SVIL: variants seen among roughly 807,000 people sequenced by gnomAD.
SVIL encodes archvillin.
SVIL carries 101 observed loss-of-function variants against 240.4 expected under a neutral mutation model. That is an observed-to-expected ratio of 0.42 (90% CI 0.36 to 0.50). The LOEUF (loss-of-function observed/expected upper bound fraction) is 0.50. SVIL is among the 20% of genes least tolerant of loss of function. SVIL has a pLI of 0.01. For missense variants in SVIL, 2,512 were observed against 2,818.7 expected, an observed-to-expected ratio of 0.89 and a Z score of 2.46; for synonymous variants, 999 against 1,100.0, an observed-to-expected ratio of 0.91 and a Z score of 1.82.
At chr10:29,533,689 G>A (rs542823520) in intron 7 of SVIL, among the ~76,000 whole-genome samples, 1 of 152,126 alleles carries the variant, frequency 6.6e-6, no homozygotes, top group Non-Finnish European at 1.5e-5. Flanking sequence ...CCCTGTAAAA[G>A]CTGGCAGGGG....
intron 15 of SVIL, 77 bp from the exon 16 acceptor site, chr10:29,522,712 A>G: frequency 1.3e-6 from 2 of 1,490,500 alleles, no homozygotes; most frequent in Non-Finnish European, 1.8e-6. Flanking sequence ...TCAACAGTGC[A>G]GCTCTCAGGG....
At chr10:29,727,016 C>T (rs1165428617) in intron 1 of SVIL, among the ~76,000 whole-genome samples, 1 of 152,204 alleles carries the variant, frequency 6.6e-6, no homozygotes, top group Non-Finnish European at 1.5e-5. Flanking sequence ...TGGGTACACA[C>T]ATCCACGTGC....
At chr10:29,670,417 C>T (rs541041027) in intron 2 of SVIL, among the ~76,000 whole-genome samples, 39 of 152,294 alleles carry the variant, frequency 2.6e-4, no homozygotes, top group African/African-American at 9.4e-4. Context: ...TTATTTAACC[C>T]TTGCTAAAAC....
rs147916001 is a variant in SVIL at position 29,460,971 on chromosome 10, C to T, written c.6402+1306G>A. Among the ~76,000 whole-genome samples, 689 of 152,264 alleles carry T rather than the reference C, an allele frequency of 4.5e-3. 5 individuals carry two copies. The highest frequency in any genetic ancestry group is 0.025 in the South Asian group (120 of 4,824). The stretch of plus-strand genomic sequence containing the variant: ...CCACCATGATGCCTAACCAACCCCC[C>T]GCTTCCTGTTGACCAGCTCCTCTTC... On this transcript the variant is annotated intron_variant, in intron 36 of 37. Transcript: ENST00000355867.
intron 29 of SVIL, among the ~76,000 whole-genome samples, chr10:29,475,788 G>A (rs1035504196): frequency 4.6e-5 from 7 of 152,210 alleles, no homozygotes; most frequent in African/African-American, 9.6e-5. Context: ...GGTTTAAAAG[G>A]AATGAGAATA....
intron 1 of SVIL, among the ~76,000 whole-genome samples, chr10:29,574,666 C>T (rs1438813417): frequency 1.3e-5 from 2 of 152,134 alleles, no homozygotes; most frequent in Non-Finnish European, 2.9e-5. Context: ...CTCTGACTCT[C>T]CCCAGGACAA....
At chr10:29,653,346 T>C (rs1375556336) in intron 3 of SVIL, among the ~76,000 whole-genome samples, 1 of 152,142 alleles carries the variant, frequency 6.6e-6, no homozygotes, top group Non-Finnish European at 1.5e-5. Flanking sequence ...GCAGGCTGTG[T>C]CTGCTTCCCA....
At chr10:29,500,674 C>T (rs537800466) in intron 17 of SVIL, among the ~76,000 whole-genome samples, 2 of 152,318 alleles carry the variant, frequency 1.3e-5, no homozygotes, top group South Asian at 4.1e-4. Flanking sequence ...AGGTCCCCCA[C>T]CTTTTCTGCC....
Position 29,523,364 on chromosome 10 carries a change from G to A in SVIL, c.3163+87C>T, listed in dbSNP as rs956672601. ...AGCTGTAAACTGCCTATAGAACTTT[G>A]TTAAAAGCCATCATAGACACAGGAC... On this transcript the variant is annotated intron_variant, in intron 15 of 37. Coordinates refer to ENST00000355867, the MANE Select transcript of SVIL (RefSeq NM_021738.3). The A allele has an allele frequency of 3.1e-6, 4 of 1,292,862 alleles. No homozygotes were observed. In the Admixed American group the frequency reaches 7.3e-5, roughly 24 times the overall value. 80.1% of individuals were successfully genotyped at this position (1,292,862 alleles called of 1,614,324 possible).
chr10:29,696,069 A>C (rs1045528105), intron 1 of SVIL, among the ~76,000 whole-genome samples: 4 of 151,396 alleles, frequency 2.6e-5, no homozygotes, highest in African/African-American at 7.3e-5. Flanking sequence ...CTCCTGCCTC[A>C]GCCTGCCGAG....
chr10:29,627,019 A>G (rs573681031), intron 1 of SVIL, among the ~76,000 whole-genome samples: 2 of 151,820 alleles, frequency 1.3e-5, no homozygotes, highest in East Asian at 1.9e-4. Flanking sequence ...GCGAGACTCC[A>G]TCTCAAAAAA....
intron 1 of SVIL, among the ~76,000 whole-genome samples, chr10:29,633,855 C>T (rs1958207118): frequency 6.6e-6 from 1 of 152,024 alleles, no homozygotes; most frequent in South Asian, 2.1e-4. Context: ...AACTCTAGAA[C>T]CTACAGTGAG....
intron 3 of SVIL, among the ~76,000 whole-genome samples, chr10:29,652,586 G>T (rs1296910669): frequency 6.6e-6 from 1 of 152,146 alleles, no homozygotes; most frequent in Non-Finnish European, 1.5e-5. Context: ...TTGGGGATAT[G>T]CCTAGGAGTG....
At chr10:29,500,878 AG>A (rs1948836326) in intron 17 of SVIL, among the ~76,000 whole-genome samples, 1 of 152,048 alleles carries the variant, frequency 6.6e-6, no homozygotes. Flanking sequence ...TTCCTGATTC[AG>A]GAGGGACAGG....
intron 3 of SVIL, chr10:29,647,216 C>G (rs967694347): frequency 6.6e-6 from 1 of 152,242 alleles, no homozygotes; most frequent in African/African-American, 2.4e-5. Flanking sequence ...TACACCAAAG[C>G]TCCCGATCTC....
At chr10:29,503,614 G>A (rs976537950) in intron 17 of SVIL, among the ~76,000 whole-genome samples, 31 of 152,186 alleles carry the variant, frequency 2.0e-4, no homozygotes, top group African/African-American at 7.5e-4. Flanking sequence ...GGGAAACATT[G>A]TTCAGAGGTA....
intron 1 of SVIL, among the ~76,000 whole-genome samples, chr10:29,708,671 AACC>A (rs1170473564): frequency 6.6e-6 from 1 of 152,220 alleles, no homozygotes; most frequent in Non-Finnish European, 1.5e-5. Flanking sequence ...AGATGAATAT[AACC>A]ATAAAACATG....
Position 29,645,478 on chromosome 10 carries a change from G to A in SVIL, c.-201+12491C>T, listed in dbSNP as rs936034516. 3.9e-5 allele frequency among the ~76,000 whole-genome samples: 6 copies of A among 152,272 alleles called. No homozygotes were observed. The South Asian group carries it at 1.2e-3, about 32-fold the overall frequency. On this transcript the variant is annotated intron_variant, in intron 3 of 35. Coordinates refer to the SVIL transcript ENST00000375400. ...CAAACTACTCGGGAGGCTGAGGCAG[G>A]AGGGTTGCTTGAACCCGGGAGGTGG...
In SVIL at chr10:29,484,921, C is replaced by T; in HGVS notation, c.4780-90G>A. 7.4e-7 allele frequency: 1 copy of T among 1,360,518 alleles called. No homozygotes were observed. Among genetic ancestry groups the T allele is most frequent in the Non-Finnish European group, 1.0e-6 (1 of 1,003,932 alleles). 84.3% of individuals were successfully genotyped at this position (1,360,518 alleles called of 1,614,324 possible). On this transcript the variant is annotated intron_variant, in intron 26 of 37. Coordinates refer to ENST00000355867, the MANE Select transcript of SVIL (RefSeq NM_021738.3). This position sits in a 1 kb window ranked among gnomAD's most constrained non-coding sequence, Gnocchi z 4.7. The stretch of plus-strand genomic sequence containing the variant: ...ACAGGGTCTCTTGTTGACAGTGAGT[C>T]AAACGGAGGAAGACAGAAATCCTAA...
Sources: gnomAD v4.1 joint callset for allele counts (sites outside exome capture counted in the v4.1 genomes callset) on GRCh38, gnomAD v4.1.1 for gene constraint, Gnocchi (gnomAD v3.1) non-coding constraint, MANE v1.5 for transcripts, NCBI Gene and HGNC (gene_info 2026-07-23, HGNC 2026-07-21) for gene names.